Variants in GPHN observed in about 807,000 individuals in gnomAD.
GPHN encodes the protein gephyrin.
Under a neutral mutation model 95.5 loss-of-function variants are expected in GPHN, and 17 were observed. The observed-to-expected ratio is 0.18, with a 90% CI of 0.12 to 0.27. The LOEUF is 0.27. Among genes scored for constraint, GPHN ranks in the 10% least tolerant of loss-of-function variants. The probability of loss-of-function intolerance (pLI) is 1.00; values close to 1 mark genes in which losing one functional copy is unlikely to be tolerated. For missense variants in GPHN, 660 were observed against 978.1 expected (o/e 0.67, Z 4.34); for synonymous variants, 320 against 322.5 (o/e 0.99, Z 0.08).
chr14:66,817,110 A>G (rs192584629), intron 3 of GPHN, among the ~76,000 whole-genome samples: 155 of 152,224 alleles, frequency 1.0e-3, no homozygotes, highest in African/African-American at 3.6e-3. Context: ...ACACCATAAT[A>G]TACTGATCTA....
At chr14:67,571,637 TCCC>T in the GPHN span, 1 of 984,308 alleles carries the variant, frequency 1.0e-6, no homozygotes, top group East Asian at 2.4e-5. Flanking sequence ...CTGTTCAGAG[TCCC>T]GGCTGGGGGT....
intron 3 of GPHN, among the ~76,000 whole-genome samples, chr14:66,779,034 C>T (rs902287563): frequency 3.3e-5 from 5 of 152,044 alleles, no homozygotes; most frequent in South Asian, 4.2e-4. Flanking sequence ...TGAGCCACTG[C>T]GCCCAGCCTC....
chr14:66,573,579 A>T (rs1487323429), intron 1 of GPHN, among the ~76,000 whole-genome samples: 1 of 150,948 alleles, frequency 6.6e-6, no homozygotes, highest in African/African-American at 2.4e-5. Context: ...CAGCCTTCTG[A>T]GTAGCTGGGA....
intron 3 of GPHN, among the ~76,000 whole-genome samples, chr14:66,781,227 T>C (rs1270138975): frequency 6.6e-6 from 1 of 151,470 alleles, no homozygotes; most frequent in Non-Finnish European, 1.5e-5. Flanking sequence ...TTCTTTCTTT[T>C]TTTTTTTTTT....
chr14:66,988,150 A>G lies in GPHN; in HGVS notation c.963+22825A>G, dbSNP rs541820737. On this transcript the variant is annotated intron_variant, in intron 9 of 22. Transcript: ENST00000478722. ...TTCTTTCTTTTCTAGCTGCGGCTTC[A>G]TGCTCCCATTTATGAAATAAAGATT... Among the ~76,000 whole-genome samples the G allele has an allele frequency of 1.7e-4, 26 of 151,634 alleles. 1 individual carries two copies. In the South Asian group the frequency reaches 5.2e-3, roughly 30 times the overall value.
chr14:67,513,805 A>T, the GPHN span, among the ~76,000 whole-genome samples: 1 of 152,192 alleles, frequency 6.6e-6, no homozygotes, highest in African/African-American at 2.4e-5. Context: ...CTGAGCTCCC[A>T]AAGGGCTATC....
intron 21 of GPHN, among the ~76,000 whole-genome samples, chr14:67,173,909 A>C (rs2140121116): frequency 6.6e-6 from 1 of 151,162 alleles, no homozygotes; most frequent in East Asian, 1.9e-4. Context: ...AATAAATGAA[A>C]TAAAAATGCA....
chr14:66,519,269 C>T (rs1011799386), intron 1 of GPHN, among the ~76,000 whole-genome samples: 5 of 151,916 alleles, frequency 3.3e-5, no homozygotes, highest in Non-Finnish European at 5.9e-5. Context: ...TAAGCCTCAT[C>T]ACATTACTTC....
chr14:66,639,778 T>C lies in GPHN; in HGVS notation c.65-41329T>C, dbSNP rs187260447. On this transcript the variant is annotated intron_variant, in intron 1 of 22. Transcript: ENST00000478722. ...TGTAACATATAAACTATAGATGATA[T>C]TTTATAAAATTTATATATCTAAATT... Among the ~76,000 whole-genome samples the C allele has an allele frequency of 7.1e-4, 108 of 152,198 alleles. No individual in the cohort carries two copies. The East Asian group carries it at 0.018, about 26-fold the overall frequency.
chr14:66,842,595 C>T, intron 4 of GPHN: 1 of 897,998 alleles, frequency 1.1e-6, no homozygotes, highest in Non-Finnish European at 1.7e-6. Flanking sequence ...TTCCCTGAAC[C>T]AGTTTGTACA....
At chr14:67,469,816 T>C in the GPHN span, among the ~76,000 whole-genome samples, 1 of 152,200 alleles carries the variant, frequency 6.6e-6, no homozygotes. Flanking sequence ...GTAACATCAC[T>C]TTCAAAGTAA....
the GPHN span, among the ~76,000 whole-genome samples, chr14:67,443,881 T>C: frequency 1.3e-5 from 2 of 152,158 alleles, no homozygotes; most frequent in African/African-American, 4.8e-5. Context: ...AAAATAAATC[T>C]TGGGGCCCCT....
chr14:66,820,751 T>G (rs1481503109), intron 3 of GPHN, among the ~76,000 whole-genome samples: 1 of 152,162 alleles, frequency 6.6e-6, no homozygotes, highest in African/African-American at 2.4e-5. Context: ...ATCTTTTGTT[T>G]CTGTCCTTAA....
the GPHN span, among the ~76,000 whole-genome samples, chr14:67,266,518 G>A: frequency 4.6e-4 from 70 of 152,114 alleles, 1 homozygote; most frequent in Middle Eastern, 0.017. Flanking sequence ...TAGAGACAGG[G>A]TTTCACCATG....
chr14:67,125,329 C>G (rs2079235716), intron 17 of GPHN, among the ~76,000 whole-genome samples: 1 of 152,130 alleles, frequency 6.6e-6, no homozygotes, highest in Non-Finnish European at 1.5e-5. Context: ...GTGAAGGCTA[C>G]CCTCCTTCAT....
the GPHN span, among the ~76,000 whole-genome samples, chr14:67,590,931 CAAG>C: frequency 6.6e-6 from 1 of 152,036 alleles, no homozygotes; most frequent in Non-Finnish European, 1.5e-5. Context: ...CCCTCAAACA[CAAG>C]AAGTGCAGTT....
chr14:67,566,645 G>A, the GPHN span, among the ~76,000 whole-genome samples: 4 of 152,064 alleles, frequency 2.6e-5, no homozygotes, highest in African/African-American at 9.6e-5. Context: ...CTACTCAGGA[G>A]GCTTAAGTGG....
the GPHN span, chr14:67,204,674 A>G: frequency 6.2e-7 from 1 of 1,613,422 alleles, no homozygotes; most frequent in Non-Finnish European, 8.5e-7. Context: ...TTGTTTTCTC[A>G]ATGGGTGGCC....
chr14:67,066,622 C>T (rs529523953), intron 11 of GPHN, among the ~76,000 whole-genome samples: 4 of 152,182 alleles, frequency 2.6e-5, no homozygotes, highest in South Asian at 2.1e-4. Context: ...AGGCTTTGTT[C>T]GTTTCTTTTT....
Sources: gnomAD v4.1 joint callset for allele counts (sites outside exome capture counted in the v4.1 genomes callset) on GRCh38, gnomAD v4.1.1 for gene constraint, MANE v1.5 for transcripts, NCBI Gene and HGNC (gene_info 2026-07-23, HGNC 2026-07-21) for gene names.